SHROOM3: variants seen among roughly 807,000 people sequenced by gnomAD.
SHROOM3 encodes shroom family member 3, also known as protein Shroom3.
Under a neutral mutation model 138.6 loss-of-function variants are expected in SHROOM3, and 47 were observed. That is an observed-to-expected ratio of 0.34 (90% CI 0.27 to 0.43). The LOEUF is 0.43. SHROOM3 is among the 20% of genes least tolerant of loss of function. SHROOM3 has a pLI of 1.00. For missense variants in SHROOM3, 2,491 were observed against 2,596.5 expected, an observed-to-expected ratio of 0.96 and a Z score of 0.88; for synonymous variants, 1,062 against 1,063.3, an observed-to-expected ratio of 1.00 and a Z score of 0.02.
intron 1 of SHROOM3, among the ~76,000 whole-genome samples, chr4:76,500,418 C>G (rs999902902): frequency 6.6e-6 from 1 of 152,166 alleles, no homozygotes; most frequent in African/African-American, 2.4e-5. Context: ...CTAATGCTAG[C>G]CTCAGAACAC....
At chr4:76,717,629 T>C (rs1483334633) in intron 3 of SHROOM3, among the ~76,000 whole-genome samples, 1 of 152,122 alleles carries the variant, frequency 6.6e-6, no homozygotes, top group African/African-American at 2.4e-5. Flanking sequence ...CCAGCATGCA[T>C]GTGTGGGGCA....
At chr4:76,625,613 T>A (rs560078870) in intron 2 of SHROOM3, among the ~76,000 whole-genome samples, 55 of 152,162 alleles carry the variant, frequency 3.6e-4, no homozygotes, top group Non-Finnish European at 7.5e-4. Context: ...TCCAGCCTCA[T>A]ACCTGACCAC....
intron 1 of SHROOM3, among the ~76,000 whole-genome samples, chr4:76,469,691 A>G (rs1174831763): frequency 6.6e-6 from 1 of 152,192 alleles, no homozygotes; most frequent in Non-Finnish European, 1.5e-5. Context: ...TCCTGAGCTC[A>G]GGCAGTCGAC....
chr4:76,668,649 T>G (rs1253116019), intron 2 of SHROOM3, among the ~76,000 whole-genome samples: 2 of 152,132 alleles, frequency 1.3e-5, no homozygotes, highest in African/African-American at 4.8e-5. Flanking sequence ...AATGAAAGCG[T>G]ATTGTGAATG....
chr4:76,627,792 C>T (rs1224752425), intron 2 of SHROOM3, among the ~76,000 whole-genome samples: 1 of 152,084 alleles, frequency 6.6e-6, no homozygotes, highest in Non-Finnish European at 1.5e-5. Flanking sequence ...CCTGCCTCAG[C>T]CTCCCCAGTA....
At chr4:76,714,525 T>C (rs963301120) in intron 3 of SHROOM3, among the ~76,000 whole-genome samples, 3 of 152,188 alleles carry the variant, frequency 2.0e-5, no homozygotes, top group African/African-American at 7.2e-5. Flanking sequence ...TGATTAACCT[T>C]GATTACTTGG....
intron 2 of SHROOM3, among the ~76,000 whole-genome samples, chr4:76,581,332 A>G (rs1445239023): frequency 6.6e-6 from 1 of 152,242 alleles, no homozygotes; most frequent in East Asian, 1.9e-4. Context: ...TGATTACTTT[A>G]GGCCAGTAGA....
At chr4:76,462,170 C>T (rs1358266635) in intron 1 of SHROOM3, among the ~76,000 whole-genome samples, 8 of 152,136 alleles carry the variant, frequency 5.3e-5, no homozygotes, top group Non-Finnish European at 1.2e-4. Flanking sequence ...GGGCAGATCA[C>T]TTGAGGTCAG....
chr4:76,495,856 C>T (rs1353779953), intron 1 of SHROOM3, among the ~76,000 whole-genome samples: 1 of 152,140 alleles, frequency 6.6e-6, no homozygotes, highest in East Asian at 1.9e-4. Flanking sequence ...CACTCAGCAG[C>T]CTGGGGTATA....
intron 2 of SHROOM3, among the ~76,000 whole-genome samples, chr4:76,568,550 T>C (rs958878633): frequency 1.1e-4 from 16 of 152,212 alleles, no homozygotes; most frequent in African/African-American, 3.9e-4. Context: ...TTTTCCCCTC[T>C]GTGAAATGAG....
chr4:76,553,156 G>A (rs1443183937), intron 1 of SHROOM3, among the ~76,000 whole-genome samples: 9 of 150,914 alleles, frequency 6.0e-5, no homozygotes, highest in Admixed American at 2.0e-4. Flanking sequence ...TTTTTGTTTT[G>A]TTTTGTTTTG....
intron 1 of SHROOM3, among the ~76,000 whole-genome samples, chr4:76,512,401 T>A (rs774794229): frequency 3.3e-5 from 5 of 152,108 alleles, no homozygotes; most frequent in Non-Finnish European, 7.4e-5. Context: ...TTCTTTTATT[T>A]CCTTCCTGCT....
chr4:76,630,249 T>C (rs1056568843), intron 2 of SHROOM3, among the ~76,000 whole-genome samples: 1 of 152,142 alleles, frequency 6.6e-6, no homozygotes, highest in Non-Finnish European at 1.5e-5. Context: ...TTGCCCAAAA[T>C]TACACGAAAT....
rs373453933 is a variant in SHROOM3 at position 76,755,158 on chromosome 4, C to T, written c.4675C>T (p.Leu1559=). The T allele has an allele frequency of 1.2e-6, 2 of 1,613,668 alleles. No homozygotes were observed. Among genetic ancestry groups the T allele is most frequent in the African/African-American group, 2.7e-5 (2 of 74,810 alleles). Residue 1559 remains leucine, a synonymous_variant, in exon 7 of 11, where the codon CTG becomes TTG. Coordinates refer to ENST00000296043, the MANE Select transcript of SHROOM3 (RefSeq NM_020859.4). The part of the protein sequence containing the change: ...PPPHTVCEAQ[L]DSEDPEGPRP... Reference sequence around the variant, plus strand: ...TCCCCACACTGTATGTGAGGCGCAGCTGGACAGTGAGGATCCCGAGGGGCC... The same window carrying T: ...TCCCCACACTGTATGTGAGGCGCAGTTGGACAGTGAGGATCCCGAGGGGCC...
rs375803511 is a variant in SHROOM3 at position 76,508,107 on chromosome 4, G to A, written c.169-47502G>A. Among the ~76,000 whole-genome samples, 36 of 152,144 alleles carry A rather than the reference G, an allele frequency of 2.4e-4. No individual in the cohort carries two copies. In the East Asian group the frequency reaches 3.5e-3, roughly 15 times the overall value. On this transcript the variant is annotated intron_variant, in intron 1 of 10. Coordinates refer to ENST00000296043, the MANE Select transcript of SHROOM3 (RefSeq NM_020859.4). ...TTTTTCTTTTATTACTTGTGCTTTT[G>A]TAATCGTATTCGAGAAACCATTGTC...
At chr4:76,761,034 T>G (rs1288650688) in intron 9 of SHROOM3, among the ~76,000 whole-genome samples, 1 of 152,232 alleles carries the variant, frequency 6.6e-6, no homozygotes, top group Non-Finnish European at 1.5e-5. Flanking sequence ...TAAGTGTTTT[T>G]TTTTCTAAGT....
intron 1 of SHROOM3, among the ~76,000 whole-genome samples, chr4:76,520,636 T>C (rs1444680047): frequency 6.6e-6 from 1 of 152,160 alleles, no homozygotes; most frequent in Non-Finnish European, 1.5e-5. Flanking sequence ...CTTTGCTAGG[T>C]GACACTACTC....
At chr4:76,601,101 A>G (rs1009423516) in intron 2 of SHROOM3, among the ~76,000 whole-genome samples, 1 of 152,254 alleles carries the variant, frequency 6.6e-6, no homozygotes, top group African/African-American at 2.4e-5. Flanking sequence ...ATAAGTTTTC[A>G]GAGTGTTTAA....
chr4:76,460,152 A>G (rs973310896), intron 1 of SHROOM3, among the ~76,000 whole-genome samples: 1 of 152,220 alleles, frequency 6.6e-6, no homozygotes, highest in African/African-American at 2.4e-5. Flanking sequence ...TGTTTGCCCA[A>G]GGGAAAGTGT....
Sources: gnomAD v4.1 joint callset for allele counts (sites outside exome capture counted in the v4.1 genomes callset) on GRCh38, gnomAD v4.1.1 for gene constraint, MANE v1.5 for transcripts, NCBI Gene and HGNC (gene_info 2026-07-23, HGNC 2026-07-21) for gene names.